IDE: variants seen among roughly 807,000 people sequenced by gnomAD.
IDE encodes insulin-degrading enzyme.
IDE carries 58 observed loss-of-function variants against 133.2 expected under a neutral mutation model. The observed-to-expected ratio is 0.44, with a 90% confidence interval of 0.35 to 0.54. The LOEUF (loss-of-function observed/expected upper bound fraction) is 0.54. IDE is among the 20% of genes least tolerant of loss of function. The pLI is 0.00. For synonymous variants in IDE, 396 were observed against 421.3 expected, an observed-to-expected ratio of 0.94 and a Z score of 0.73; for missense variants, 981 against 1,234.0, an observed-to-expected ratio of 0.79 and a Z score of 3.07.
intron 1 of IDE, among the ~76,000 whole-genome samples, chr10:92,573,333 A>C (rs1365787892): frequency 6.6e-6 from 1 of 152,180 alleles, no homozygotes; most frequent in African/African-American, 2.4e-5. Context: ...GAGGATCCCG[A>C]GGTATCTTTT....
Position 92,500,901 on chromosome 10 carries a change from C to T in IDE, c.1430+3893G>A, listed in dbSNP as rs187808635. ...ACTGAAAACACAAAAATTAGCTGGG[C>T]GTGGTGGCATACACCTGTAATCCCA... On this transcript the variant is annotated intron_variant, in intron 11 of 24. Transcript: ENST00000265986. 5.5e-3 allele frequency among the ~76,000 whole-genome samples: 836 copies of T among 151,878 alleles called. 7 individuals are homozygous for T. The highest frequency in any genetic ancestry group is 0.014 in the South Asian group (66 of 4,810).
chr10:92,547,330 C>T (rs373757139), intron 1 of IDE, among the ~76,000 whole-genome samples: 2 of 151,900 alleles, frequency 1.3e-5, no homozygotes, highest in South Asian at 2.1e-4. Flanking sequence ...GCAATCTGCC[C>T]GCTTCGGCCT....
intron 1 of IDE, among the ~76,000 whole-genome samples, chr10:92,555,510 A>G (rs559273639): frequency 6.6e-6 from 1 of 152,128 alleles, no homozygotes; most frequent in South Asian, 2.1e-4. Context: ...AAAAAAAAAA[A>G]AAAAGAAAAT....
intron 1 of IDE, among the ~76,000 whole-genome samples, chr10:92,550,819 G>A (rs551664617): frequency 6.6e-6 from 1 of 152,150 alleles, no homozygotes; most frequent in Admixed American, 6.5e-5. Flanking sequence ...GCAGTGAGCC[G>A]AGATCGTGCC....
chr10:92,488,932 TAAAAAAAAAAA>T (rs56377277), intron 12 of IDE, among the ~76,000 whole-genome samples: 4,634 of 79,136 alleles, frequency 0.059, 173 homozygotes, highest in Admixed American at 0.12. Context: ...TTTCATTATT[TAAAAAAAAAAA>T]AAAAAAAAAA....
chr10:92,466,775 G>A (rs1357881613), intron 19 of IDE, among the ~76,000 whole-genome samples: 7 of 151,678 alleles, frequency 4.6e-5, no homozygotes, highest in Admixed American at 1.3e-4. Context: ...CTGCCACTAT[G>A]CCCAGCTAAT....
At chr10:92,560,065 T>C (rs984250650) in intron 1 of IDE, among the ~76,000 whole-genome samples, 2 of 152,230 alleles carry the variant, frequency 1.3e-5, no homozygotes, top group East Asian at 3.8e-4. Flanking sequence ...GTGTGCTTCA[T>C]TGATTTCCTC....
intron 17 of IDE, chr10:92,474,568 A>G (rs1435108130): frequency 3.4e-5 from 8 of 237,874 alleles, no homozygotes; most frequent in Non-Finnish European, 6.5e-5. Flanking sequence ...TATAGTGATC[A>G]CATCAGGGTA....
chr10:92,519,161 T>C (rs983246311), intron 4 of IDE, among the ~76,000 whole-genome samples: 3 of 152,162 alleles, frequency 2.0e-5, no homozygotes, highest in Non-Finnish European at 2.9e-5. Context: ...TCTGAGTGAA[T>C]CATTATACAA....
At chr10:92,503,287 G>A (rs777894671) in intron 11 of IDE, among the ~76,000 whole-genome samples, 23 of 152,036 alleles carry the variant, frequency 1.5e-4, no homozygotes, top group Non-Finnish European at 2.2e-4. Context: ...CTTGAAGCTA[G>A]ATAATTATCT....
At chr10:92,532,408 T>TTGAA (rs1381562385) in intron 3 of IDE, among the ~76,000 whole-genome samples, 1 of 152,134 alleles carries the variant, frequency 6.6e-6, no homozygotes, top group Non-Finnish European at 1.5e-5. Context: ...CAGGCTCAAT[T>TTGAA]TGAATATTTC....
intron 11 of IDE, among the ~76,000 whole-genome samples, chr10:92,493,587 TAA>T (rs1240906477): frequency 1.1e-4 from 15 of 140,222 alleles, no homozygotes; most frequent in Admixed American, 1.4e-4. Context: ...ATGCTCAGGT[TAA>T]AAAAAAAAAA....
chr10:92,465,540 A>G (rs2275218), intron 20 of IDE, 136 bp downstream of exon 20: 27,966 of 724,498 alleles, frequency 0.039, 680 homozygotes, highest in Admixed American at 0.071. Context: ...GATTCTCTGT[A>G]ATAAGGTTTT....
rs545756716 is a variant in IDE at position 92,560,682 on chromosome 10, C to T, written c.98+13240G>A. 7.9e-5 allele frequency among the ~76,000 whole-genome samples: 12 copies of T among 152,048 alleles called. No individual in the cohort carries two copies. In the South Asian group the frequency reaches 2.3e-3, roughly 29 times the overall value. On this transcript the variant is annotated intron_variant, in intron 1 of 24. Transcript: ENST00000265986. ...CCTGTAGTCTCAGCTACTCAGGAGG[C>T]TGAGGCAGAAGAATCACTTGAACCC...
At chr10:92,534,837 G>GT (rs1332085817) in intron 2 of IDE, 52 bp from the exon 3 acceptor site, 1 of 1,336,196 alleles carries the variant, frequency 7.5e-7, no homozygotes, top group Admixed American at 1.7e-5. Flanking sequence ...CTGAAAGTTA[G>GT]TAAGTACAGG....
At chr10:92,573,804 C>A (rs906912243) in intron 1 of IDE, 118 bp downstream of exon 1, 1 of 711,110 alleles carries the variant, frequency 1.4e-6, no homozygotes, top group East Asian at 3.4e-5. Flanking sequence ...GCCGGCGGGA[C>A]GGGCGGCGTG....
chr10:92,538,706 G>A (rs1278611046), intron 1 of IDE, among the ~76,000 whole-genome samples: 1 of 151,422 alleles, frequency 6.6e-6, no homozygotes, highest in Non-Finnish European at 1.5e-5. Flanking sequence ...ACTTTCCAGA[G>A]TCTGGGGTAC....
rs1363662693 is a variant in IDE, at chr10:92,452,391, A to G, written c.*2053T>C. ...AGGTAACTAATAACTTAGTTCCACA[A>G]ATCTCATTTACTAAGCACTGCGTAA... On this transcript the variant is annotated 3_prime_UTR_variant, in exon 25 of 25. Transcript: ENST00000265986. 1 of 152,200 alleles carries G rather than the reference A, an allele frequency of 6.6e-6. No individual in the cohort carries two copies. Among genetic ancestry groups the G allele is most frequent in the African/African-American group, 2.4e-5 (1 of 41,460 alleles). The allele number at this position is 152,200 out of a possible 1,614,324, so 9.4% of individuals were successfully genotyped here. A position where few individuals can be genotyped will look rare whatever the true frequency, so the allele number is the denominator to read the frequency against.
At chr10:92,520,140 T>C (rs1314514716) in intron 4 of IDE, among the ~76,000 whole-genome samples, 1 of 152,156 alleles carries the variant, frequency 6.6e-6, no homozygotes, top group Non-Finnish European at 1.5e-5. Flanking sequence ...AGGCTCAGCA[T>C]AGCATCTATC....
Sources: gnomAD v4.1 joint callset for allele counts (sites outside exome capture counted in the v4.1 genomes callset) on GRCh38, gnomAD v4.1.1 for gene constraint, MANE v1.5 for transcripts, NCBI Gene and HGNC (gene_info 2026-07-23, HGNC 2026-07-21) for gene names.